ZMYM5: variants seen among roughly 807,000 people sequenced by gnomAD.
ZMYM5 encodes zinc finger MYM-type containing 5, also known as zinc finger MYM-type protein 5.
Under a neutral mutation model 61.8 loss-of-function variants are expected in ZMYM5, and 41 were observed. The observed-to-expected ratio is 0.66, with a 90% CI of 0.52 to 0.86. The LOEUF (loss-of-function observed/expected upper bound fraction) is 0.86. ZMYM5 is among the 40% of genes least tolerant of loss of function. ZMYM5 has a pLI of 0.00. For synonymous variants in ZMYM5, 257 were observed against 276.4 expected, an observed-to-expected ratio of 0.93 and a Z score of 0.70; for missense variants, 706 against 786.7, an observed-to-expected ratio of 0.90 and a Z score of 1.23.
intron 5 of ZMYM5, among the ~76,000 whole-genome samples, chr13:19,838,229 T>C (rs1158645710): frequency 6.6e-6 from 1 of 151,982 alleles, no homozygotes; most frequent in Non-Finnish European, 1.5e-5. Flanking sequence ...ATACAAAAAA[T>C]TAGCTGGGCG....
At chr13:19,838,363 G>A (rs984792790) in intron 5 of ZMYM5, among the ~76,000 whole-genome samples, 4 of 152,222 alleles carry the variant, frequency 2.6e-5, no homozygotes, top group East Asian at 1.9e-4. Flanking sequence ...GGGCAACAGA[G>A]TGAGACTCCG....
At chr13:19,857,672 C>T (rs1319144424) in intron 2 of ZMYM5, among the ~76,000 whole-genome samples, 1 of 152,072 alleles carries the variant, frequency 6.6e-6, no homozygotes, top group African/African-American at 2.4e-5. Context: ...TCACTTGAGG[C>T]CAGGAGTTCA....
chr13:19,855,213 A>AT (rs1656186640), intron 2 of ZMYM5, among the ~76,000 whole-genome samples: 1 of 152,142 alleles, frequency 6.6e-6, no homozygotes, highest in Non-Finnish European at 1.5e-5. Flanking sequence ...AAAAATAATG[A>AT]TAAAAAAGGA....
chr13:19,851,351 T>A lies in ZMYM5; in HGVS notation c.586+4A>T, dbSNP rs1205377502. 6.2e-7 allele frequency: 1 copy of A among 1,612,292 alleles called. No homozygotes were observed. Among genetic ancestry groups the A allele is most frequent in the East Asian group, 2.2e-5 (1 of 44,862 alleles). On this transcript the variant is annotated splice_donor_region_variant and intron_variant, in intron 4 of 7. Coordinates refer to ENST00000337963, the MANE Select transcript of ZMYM5 (RefSeq NM_001142684.2). The stretch of plus-strand genomic sequence containing the variant: ...AGGTAGAAACAGTATCACTTACTGC[T>A]TACCAGGACTATGATGAGTTGCAAA...
chr13:19,861,309 C>T (rs1467223300), intron 2 of ZMYM5, among the ~76,000 whole-genome samples: 1 of 152,092 alleles, frequency 6.6e-6, no homozygotes, highest in Non-Finnish European at 1.5e-5. Flanking sequence ...CCACCATGCT[C>T]AGCTAATTTT....
intron 4 of ZMYM5, among the ~76,000 whole-genome samples, chr13:19,847,079 C>T (rs1953099583): frequency 6.6e-6 from 1 of 152,092 alleles, no homozygotes; most frequent in Non-Finnish European, 1.5e-5. Flanking sequence ...TCCCCAGTAG[C>T]TAGGACTACA....
intron 6 of ZMYM5, among the ~76,000 whole-genome samples, chr13:19,835,938 C>T (rs1041302532): frequency 4.6e-5 from 7 of 152,080 alleles, no homozygotes; most frequent in African/African-American, 1.7e-4. Flanking sequence ...ATTCTCCTGC[C>T]TCAGCCTCCC....
chr13:19,863,272 C>T (rs1434013133), intron 1 of ZMYM5, among the ~76,000 whole-genome samples, 178 bp downstream of exon 1: 1 of 151,790 alleles, frequency 6.6e-6, no homozygotes, highest in African/African-American at 2.4e-5. Context: ...CGGCCTCGCT[C>T]GCACTCTCCC....
At chr13:19,855,742 T>TG (rs774510821) in intron 2 of ZMYM5, among the ~76,000 whole-genome samples, 3 of 151,410 alleles carry the variant, frequency 2.0e-5, no homozygotes, top group Admixed American at 6.6e-5. Flanking sequence ...CCAGGTGCAG[T>TG]GGCTCATGCC....
At chr13:19,846,494 A>AT (rs1953077184) in intron 4 of ZMYM5, among the ~76,000 whole-genome samples, 1 of 152,056 alleles carries the variant, frequency 6.6e-6, no homozygotes, top group African/African-American at 2.4e-5. Context: ...AAAAATCAGA[A>AT]TTTTTGAAAA....
chr13:19,854,095 C>T (rs542438330), intron 2 of ZMYM5, among the ~76,000 whole-genome samples: 29 of 152,202 alleles, frequency 1.9e-4, no homozygotes, highest in African/African-American at 6.0e-4. Context: ...CTGCAACCTC[C>T]GCCTCCTGGG....
chr13:19,856,752 G>A (rs9579721), intron 2 of ZMYM5, among the ~76,000 whole-genome samples: 97,682 of 151,968 alleles, frequency 0.64, 35,058 homozygotes, highest in East Asian at 0.89. Context: ...AGAAGTTGCA[G>A]TGAGTTGAGA....
Position 19,835,478 on chromosome 13 carries a change from T to C in ZMYM5, c.1250A>G (p.Gln417Arg). 7.3e-7 allele frequency: 1 copy of C among 1,366,196 alleles called. No individual in the cohort carries two copies. The highest frequency in any genetic ancestry group is 9.8e-7 in the Non-Finnish European group (1 of 1,020,920). The allele number at this position is 1,366,196 out of a possible 1,614,324, so 84.6% of individuals were successfully genotyped here. A position where few individuals can be genotyped will look rare whatever the true frequency, so the allele number is the denominator to read the frequency against. The change falls in exon 7 of 8, where the codon CAG (glutamine) becomes CGG (arginine). Residue 417 changes from glutamine (Q) to arginine (R), a missense_variant and splice_region_variant. By Grantham distance (43) the Gln-to-Arg change is conservative. Transcript: ENST00000337963. ...CCQSCINEYK[Q>R]MMETKSKKLT... The stretch of plus-strand genomic sequence containing the variant: ...TTAAAGCTCATGAAAAAGAATTACC[T>C]GTTTATATTCGTTAATACAACTTTG...
chr13:19,846,165 A>G (rs1953064934), intron 4 of ZMYM5, among the ~76,000 whole-genome samples: 1 of 152,206 alleles, frequency 6.6e-6, no homozygotes, highest in Non-Finnish European at 1.5e-5. Flanking sequence ...CTTTGGTGAA[A>G]CAGTAAAAGT....
rs1415084645 is a variant in ZMYM5 at position 19,824,881 on chromosome 13, T to C, written c.1606A>G (p.Thr536Ala). ...PRILNIKQRD[T>A]LVENVPPQVR... ...TGAGGCGGAACATTTTCAACAAGAG[T>C]GTCCCGTTGTTTAATATTCAAAATT... The change falls in exon 8 of 8, where the codon ACT (threonine) becomes GCT (alanine). Residue 536 changes from threonine to alanine, a missense_variant. This residue lies in a region of ZMYM5 where 226 missense variants were observed against 325.0 expected (regional missense o/e 0.70). Coordinates refer to ENST00000337963, the MANE Select transcript of ZMYM5 (RefSeq NM_001142684.2). 1 of 1,355,918 alleles carries C rather than the reference T, an allele frequency of 7.4e-7. No individual in the cohort carries two copies. The highest frequency in any genetic ancestry group is 9.8e-7 in the Non-Finnish European group (1 of 1,015,464). 84.0% of individuals were successfully genotyped at this position (1,355,918 alleles called of 1,614,324 possible). A position where few individuals can be genotyped will look rare whatever the true frequency, so the allele number is the denominator to read the frequency against.
rs566413749 is a variant in ZMYM5 at position 19,858,619 on chromosome 13, T to G, written c.-11+3780A>C. Among the ~76,000 whole-genome samples, 20 of 148,546 alleles carry G rather than the reference T, an allele frequency of 1.3e-4. No individual in the cohort carries two copies. In the South Asian group the frequency reaches 4.2e-3, roughly 31 times the overall value. ...AAAAAAAAAAAAAAAGATGGCCGAT[T>G]GATCACATACAACTAACTTCGTTCC... On this transcript the variant is annotated intron_variant, in intron 2 of 7. Coordinates refer to ENST00000337963, the MANE Select transcript of ZMYM5 (RefSeq NM_001142684.2).
chr13:19,828,080 C>T (rs1166229260), intron 7 of ZMYM5, among the ~76,000 whole-genome samples: 89 of 144,238 alleles, frequency 6.2e-4, no homozygotes, highest in Non-Finnish European at 1.5e-5. Context: ...TAGCTATACA[C>T]AACACAACTT....
At position 19,838,701 on chromosome 13, in the gene ZMYM5, T is replaced by G. The variant is rs768437490; in HGVS notation, c.871A>C (p.Lys291Gln). ...GAAATGTTGAAAGGTACTGCTTACT[T>G]TTTACATATTATGCTTCGTGTGTTT... is the stretch of plus-strand genomic sequence containing the variant. ...TQNTRSIICK[K>Q]DASTKKANVI... The change falls in exon 5 of 8, where the codon AAA becomes CAA. Residue 291 changes from lysine to glutamine, a missense_variant and splice_region_variant. Coordinates refer to ENST00000337963, the MANE Select transcript of ZMYM5 (RefSeq NM_001142684.2). The G allele has an allele frequency of 1.2e-6, 2 of 1,613,918 alleles. No homozygotes were observed. Among genetic ancestry groups the G allele is most frequent in the South Asian group, 2.2e-5 (2 of 91,078 alleles).
At chr13:19,831,934 C>T (rs1243109603) in intron 7 of ZMYM5, among the ~76,000 whole-genome samples, 1 of 151,516 alleles carries the variant, frequency 6.6e-6, no homozygotes, top group Non-Finnish European at 1.5e-5. Context: ...CGGCTCACTG[C>T]AACCTCCGCC....
Sources: allele counts gnomAD v4.1 joint callset (sites outside exome capture counted in the v4.1 genomes callset), GRCh38; gene constraint gnomAD v4.1.1; regional missense constraint gnomAD v4.1.1; transcripts MANE v1.5; gene names NCBI Gene and HGNC (gene_info 2026-07-23, HGNC 2026-07-21).